Variants in RNH1 observed in about 807,000 individuals in gnomAD.
The protein encoded by RNH1 is ribonuclease/angiogenin inhibitor 1.
A neutral mutation model predicts 46.1 loss-of-function variants in RNH1; 38 were observed. The observed-to-expected ratio is 0.82, with a 90% CI of 0.64 to 1.08. The LOEUF is 1.08. Among genes scored for constraint, RNH1 ranks in the 50% least tolerant of loss-of-function variants. The pLI is 0.00. For synonymous variants in RNH1, 319 were observed against 279.1 expected (o/e 1.14, Z -1.43); for missense variants, 577 against 590.7 (o/e 0.98, Z 0.24).
chr11:494,862 C>A, intron 10 of RNH1, 21 bp downstream of exon 10: 1 of 1,611,638 alleles, frequency 6.2e-7, no homozygotes, highest in Non-Finnish European at 8.5e-7. Context: ...GCCGCACCAC[C>A]CGCCCAGCGC....
Position 502,404 on chromosome 11 carries a change from C to A in RNH1, c.-87-155G>T. On this transcript the variant is annotated intron_variant, in intron 2 of 10. Transcript: ENST00000354420. The surrounding 1 kb of genome is among the most constrained non-coding windows in gnomAD (Gnocchi z 5.8). ...GGACCAGCACCCACCCCCAGAAAGG[C>A]CACCATGGGCAGCAGAGCTTGGGTA... The A allele has an allele frequency of 1.8e-6, 1 of 570,290 alleles. No individual in the cohort carries two copies. The highest frequency in any genetic ancestry group is 3.1e-6 in the Non-Finnish European group (1 of 317,464). The allele number at this position is 570,290 out of a possible 1,614,324, so 35.3% of individuals were successfully genotyped here. A position where few individuals can be genotyped will look rare whatever the true frequency, so the allele number is the denominator to read the frequency against.
Position 498,471 on chromosome 11 carries a change from C to T in RNH1, c.942G>A (p.Gln314=). Residue 314 remains glutamine, a synonymous_variant, in exon 8 of 11, where the codon CAG becomes CAA. Coordinates refer to ENST00000354420, the MANE Select transcript of RNH1 (RefSeq NM_203387.3). ...LCETLLEPGC[Q]LESLWVKSCS... ...GCCACACTCACCACAGCGACTCCAG[C>T]TGGCAGCCAGGTTCCAGCAGGGTCT... 1 of 1,612,898 alleles carries T rather than the reference C, an allele frequency of 6.2e-7. No individual in the cohort carries two copies. The highest frequency in any genetic ancestry group is 8.5e-7 in the Non-Finnish European group (1 of 1,180,000).
Position 498,056 on chromosome 11 carries a change from T to C in RNH1, c.1042A>G (p.Ile348Val). The change falls in exon 9 of 11, where the codon ATA (isoleucine) becomes GTA (valine). Residue 348 changes from isoleucine (I) to valine (V), a missense_variant. Physicochemically the swap from Ile to Val is conservative, Grantham distance 29. Coordinates refer to ENST00000354420, the MANE Select transcript of RNH1 (RefSeq NM_203387.3). ...AQNRFLLELQISNNRLEDAGV... is the reference protein window; with the variant it reads ...AQNRFLLELQVSNNRLEDAGV... Reference sequence around the variant, plus strand: ...GCATCCTCCAGCCTGTTGTTGCTTATCTGTAGCTCCAGGAGAAACCTGTTC... The same window carrying C: ...GCATCCTCCAGCCTGTTGTTGCTTACCTGTAGCTCCAGGAGAAACCTGTTC... The C allele has an allele frequency of 1.2e-6, 2 of 1,614,060 alleles. No individual in the cohort carries two copies. Among genetic ancestry groups the C allele is most frequent in the Non-Finnish European group, 1.7e-6 (2 of 1,180,004 alleles).
chr11:495,651 G>T (rs947095399), intron 9 of RNH1, among the ~76,000 whole-genome samples: 2 of 152,210 alleles, frequency 1.3e-5, no homozygotes, highest in African/African-American at 4.8e-5. Flanking sequence ...CCTGTGAGTG[G>T]CTCAGGGGGA....
rs1422768939 is a variant in RNH1, at chr11:499,022, C to T, written c.607G>A (p.Ala203Thr). 1 of 1,613,054 alleles carries T rather than the reference C, an allele frequency of 6.2e-7. No homozygotes were observed. Among genetic ancestry groups the T allele is most frequent in the East Asian group, 2.2e-5 (1 of 44,846 alleles). ...GLKDSPCQLE[A>T]LKLESCGVTS... ...CCAAGGCCCAGTGCCTACTTGAGCG[C>T]CTCCAGCTGGCAGGGGGAGTCCTTC... Residue 203 changes from alanine (A) to threonine (T), a missense_variant, in exon 6 of 11, where the codon GCG (alanine) becomes ACG (threonine). Coordinates refer to ENST00000354420, the MANE Select transcript of RNH1 (RefSeq NM_203387.3).
At position 500,337 on chromosome 11, in the gene RNH1, G is replaced by A. The variant is rs562898306; in HGVS notation, c.272+147C>T. Reference sequence around the variant, plus strand: ...CCCCCGCTGTGAGACCGCCAGGCCTGTGTGCCTCTGGCTGATGTTGGAAAT... The same window carrying A: ...CCCCCGCTGTGAGACCGCCAGGCCTATGTGCCTCTGGCTGATGTTGGAAAT... On this transcript the variant is annotated intron_variant, in intron 4 of 10. Transcript: ENST00000354420. The A allele has an allele frequency of 5.1e-6, 5 of 975,670 alleles. No homozygotes were observed. The Admixed American group carries it at 1.2e-4, about 24-fold the overall frequency. The allele number at this position is 975,670 out of a possible 1,614,324, so 60.4% of individuals were successfully genotyped here.
Position 498,444 on chromosome 11 carries a change from C to T in RNH1, c.956+13G>A, listed in dbSNP as rs745417122. 2 of 1,611,248 alleles carry T rather than the reference C, an allele frequency of 1.2e-6. No homozygotes were observed. Among genetic ancestry groups the T allele is most frequent in the Non-Finnish European group, 8.5e-7 (1 of 1,179,802 alleles). ...CTTGGGCGACAGGGCCCTGCCCCGA[C>T]AGCCACACTCACCACAGCGACTCCA... On this transcript the variant is annotated intron_variant, in intron 8 of 10. Coordinates refer to ENST00000354420, the MANE Select transcript of RNH1 (RefSeq NM_203387.3).
Position 502,255 on chromosome 11 carries a change from A to G in RNH1, c.-87-6T>C, listed in dbSNP as rs1017601763. Reference sequence around the variant, plus strand: ...AGTTTCACAGGCCGGAGATTCTGCAAACAGGACCCACAGGGCTGATGTTTC... The same window carrying G: ...AGTTTCACAGGCCGGAGATTCTGCAGACAGGACCCACAGGGCTGATGTTTC... On this transcript the variant is annotated splice_polypyrimidine_tract_variant and splice_region_variant and intron_variant, in intron 2 of 10. Transcript: ENST00000354420. This position sits in a 1 kb window ranked among gnomAD's most constrained non-coding sequence, Gnocchi z 5.8. 6 of 998,020 alleles carry G rather than the reference A, an allele frequency of 6.0e-6. No homozygotes were observed. The highest frequency in any genetic ancestry group is 9.2e-6 in the Non-Finnish European group (6 of 652,402). The allele number at this position is 998,020 out of a possible 1,614,324, so 61.8% of individuals were successfully genotyped here.
chr11:500,021 G>A, intron 4 of RNH1, 22 bp from the exon 5 acceptor site: 1 of 1,522,918 alleles, frequency 6.6e-7, no homozygotes, highest in Non-Finnish European at 8.8e-7. Flanking sequence ...CTGGCTGTCA[G>A]CAGGGCTCCC....
At chr11:496,276 G>A (rs1200212789) in intron 9 of RNH1, among the ~76,000 whole-genome samples, 1 of 152,198 alleles carries the variant, frequency 6.6e-6, no homozygotes, top group Non-Finnish European at 1.5e-5. Context: ...GCTCACGCCT[G>A]TAATCGCAGC....
At chr11:503,610 G>A (rs1849952985) in intron 2 of RNH1, 1 of 129,616 alleles carries the variant, frequency 7.7e-6, no homozygotes, top group Non-Finnish European at 1.6e-5. Flanking sequence ...TCATCAGGAG[G>A]CACTGTGGGC....
intron 1 of RNH1, chr11:505,914 CTT>C (rs771444350): frequency 2.2e-5 from 3 of 134,762 alleles, no homozygotes; most frequent in African/African-American, 5.6e-5. Context: ...GAGTTTCGCT[CTT>C]GTCAGCCGGC....
chr11:499,783 G>A, intron 5 of RNH1, 46 bp downstream of exon 5: 1 of 1,579,962 alleles, frequency 6.3e-7, no homozygotes, highest in Non-Finnish European at 8.6e-7. Flanking sequence ...CTGGCTGGGG[G>A]ACAGGCAGCG....
rs1024174968 is a variant in RNH1 at position 501,385 on chromosome 11, TCA to T, written c.101+675_101+676del. 2 of 158,850 alleles carry T rather than the reference TCA, an allele frequency of 1.3e-5. No individual in the cohort carries two copies. Among genetic ancestry groups the T allele is most frequent in the African/African-American group, 5.0e-5 (2 of 39,738 alleles). The allele number at this position is 158,850 out of a possible 1,614,324, so 9.8% of individuals were successfully genotyped here. A position where few individuals can be genotyped will look rare whatever the true frequency, so the allele number is the denominator to read the frequency against. Reference sequence around the variant, plus strand: ...AGAACCCAGAGAGACGAGGGGACAGTCACAGACGGGAGAGGGCTAAGGAGACA... The same window carrying T: ...AGAACCCAGAGAGACGAGGGGACAGTCAGACGGGAGAGGGCTAAGGAGACA... On this transcript the variant is annotated intron_variant, in intron 3 of 10. Transcript: ENST00000354420. The surrounding 1 kb of genome is among the most constrained non-coding windows in gnomAD (Gnocchi z 4.1).
chr11:499,974 C>T lies in RNH1; in HGVS notation c.298G>A (p.Ala100Thr), dbSNP rs775074741. 2 of 1,586,092 alleles carry T rather than the reference C, an allele frequency of 1.3e-6. 1 individual carries two copies. Among genetic ancestry groups the T allele is most frequent in the South Asian group, 2.3e-5 (2 of 88,008 alleles). ...LSLQNCCLTG[A>T]GCGVLSSTLR... Reference sequence around the variant, plus strand: ...GTGCTGGACAGGACCCCGCAGCCGGCCCCCGTCAGGCAGCAGTTCTGGAGG... The same window carrying T: ...GTGCTGGACAGGACCCCGCAGCCGGTCCCCGTCAGGCAGCAGTTCTGGAGG... The change falls in exon 5 of 11, where the codon GCC becomes ACC. Residue 100 changes from alanine to threonine, a missense_variant. Physicochemically the swap from Ala to Thr is moderately conservative, Grantham distance 58 (BLOSUM62 0). Coordinates refer to ENST00000354420, the MANE Select transcript of RNH1 (RefSeq NM_203387.3).
chr11:507,152 A>C lies in RNH1; in HGVS notation c.-300T>G, dbSNP rs981795806. The C allele has an allele frequency of 2.0e-5, 3 of 152,318 alleles. No individual in the cohort carries two copies. Among genetic ancestry groups the C allele is most frequent in the African/African-American group, 7.2e-5 (3 of 41,546 alleles). 9.4% of individuals were successfully genotyped at this position (152,318 alleles called of 1,614,324 possible). ...CGGACGGTCGCGGGCCTGGAGACCC[A>C]GAGCGAGACGGCCTACTTCGTTCTC... is the stretch of plus-strand genomic sequence containing the variant. On this transcript the variant is annotated 5_prime_UTR_variant, in exon 1 of 11. Transcript: ENST00000354420.
intron 5 of RNH1, 52 bp from the exon 6 acceptor site, chr11:499,237 T>A (rs1849490664): frequency 1.9e-6 from 3 of 1,593,566 alleles, no homozygotes; most frequent in African/African-American, 2.7e-5. Flanking sequence ...CAGCCAAGGG[T>A]GTGATACCAG....
chr11:502,217 C>G lies in RNH1; in HGVS notation c.-55G>C, dbSNP rs7944548. ...GGCAGAGGGAAGAGGACGTCTTGGC[C>G]GAATCCCCTCACAGTTTCACAGGCC... On this transcript the variant is annotated 5_prime_UTR_variant, in exon 3 of 11. Transcript: ENST00000354420. This position sits in a 1 kb window ranked among gnomAD's most constrained non-coding sequence, Gnocchi z 5.8. The G allele has an allele frequency of 6.5e-6, 9 of 1,388,858 alleles. No individual in the cohort carries two copies. The highest frequency in any genetic ancestry group is 9.0e-6 in the Non-Finnish European group (9 of 996,606). 86.0% of individuals were successfully genotyped at this position (1,388,858 alleles called of 1,614,324 possible).
intron 1 of RNH1, 116 bp downstream of exon 1, chr11:506,997 A>T (rs1198643084): frequency 6.6e-6 from 1 of 150,442 alleles, no homozygotes; most frequent in Non-Finnish European, 1.5e-5. Context: ...GGAGCGCGCC[A>T]CTCGCCCGCG....
Sources: gnomAD v4.1 joint callset for allele counts (sites outside exome capture counted in the v4.1 genomes callset) on GRCh38, gnomAD v4.1.1 for gene constraint, Gnocchi (gnomAD v3.1) non-coding constraint, MANE v1.5 for transcripts, NCBI Gene and HGNC (gene_info 2026-07-23, HGNC 2026-07-21) for gene names.